The following CDKN2A variants were observed in gnomAD, a reference collection of about 807,000 sequenced individuals.
The protein encoded by CDKN2A is cyclin-dependent kinase inhibitor 2A.
CDKN2A carries 3 observed loss-of-function variants against 11.1 expected under a neutral mutation model. The observed-to-expected ratio is 0.27, with a 90% CI of 0.12 to 0.70. The LOEUF (loss-of-function observed/expected upper bound fraction) is 0.70. CDKN2A is among the 30% of genes least tolerant of loss of function. The pLI is 0.77. For missense variants in CDKN2A, 265 were observed against 233.6 expected (o/e 1.13, Z -0.88); for synonymous variants, 122 against 108.1 (o/e 1.13, Z -0.80).
At chr9:21,976,904 CAT>C (rs1242947392), upstream of CDKN2A, among the ~76,000 whole-genome samples, 1 of 152,192 alleles carries the variant, frequency 6.6e-6, no homozygotes, top group African/African-American at 2.4e-5. Flanking sequence ...TTATCAAAAA[CAT>C]GTACTACGTT....
chr9:21,982,926 A>C (rs1820227202), intron 2 of CDKN2A, among the ~76,000 whole-genome samples: 1 of 152,066 alleles, frequency 6.6e-6, no homozygotes, highest in South Asian at 2.1e-4. Context: ...TTCAAACTTA[A>C]GGTTCTCAGT....
At position 21,967,928 on chromosome 9, in the gene CDKN2A, T is replaced by C; in HGVS notation, c.*301A>G. ...GGCTCGCAAGAAATGCCCACATGAA[T>C]GTGCGCTTAGGGCGTGAGTGCTCAC... is the stretch of plus-strand genomic sequence containing the variant. On this transcript the variant is annotated 3_prime_UTR_variant, in exon 3 of 3. Coordinates refer to ENST00000304494, the MANE Select transcript of CDKN2A (RefSeq NM_000077.5). 1 of 411,676 alleles carries C rather than the reference T, an allele frequency of 2.4e-6. No individual in the cohort carries two copies. Among genetic ancestry groups the C allele is most frequent in the Non-Finnish European group, 4.3e-6 (1 of 230,032 alleles). 25.5% of individuals were successfully genotyped at this position (411,676 alleles called of 1,614,324 possible). A position where few individuals can be genotyped will look rare whatever the true frequency, so the allele number is the denominator to read the frequency against.
rs1424124214 is a variant in CDKN2A at position 21,991,973 on chromosome 9, T to C, written c.-4+1909A>G. On this transcript the variant is annotated intron_variant, in intron 2 of 3. Transcript: ENST00000494262. This position sits in a 1 kb window ranked among gnomAD's most constrained non-coding sequence, Gnocchi z 5.2. Reference sequence around the variant, plus strand: ...AACAAATGAATATTTAACTTCATAATAAAAATATGACTATTTTGTAAATGC... The same window carrying C: ...AACAAATGAATATTTAACTTCATAACAAAAATATGACTATTTTGTAAATGC... The C allele has an allele frequency of 1.3e-5, 13 of 982,360 alleles. No individual in the cohort carries two copies. The highest frequency in any genetic ancestry group is 1.6e-5 in the Non-Finnish European group (13 of 827,214). 60.9% of individuals were successfully genotyped at this position (982,360 alleles called of 1,614,324 possible). A position where few individuals can be genotyped will look rare whatever the true frequency, so the allele number is the denominator to read the frequency against.
Position 21,987,180 on chromosome 9 carries a change from G to C in CDKN2A, c.-4+6702C>G, listed in dbSNP as rs1435902987. 2.0e-5 allele frequency among the ~76,000 whole-genome samples: 3 copies of C among 151,328 alleles called. 1 individual carries two copies. The South Asian group carries it at 6.3e-4, about 32-fold the overall frequency. ...CATCTATATTTCCCCCCCCATCACT[G>C]TGCTTTTACAGAGACATAAAGACCC... On this transcript the variant is annotated intron_variant, in intron 2 of 3. Coordinates refer to the CDKN2A transcript ENST00000494262.
chr9:21,976,570 G>T (rs549994958), upstream of CDKN2A, among the ~76,000 whole-genome samples: 26 of 151,886 alleles, frequency 1.7e-4, no homozygotes, highest in Admixed American at 1.2e-3. Context: ...TACAAAATTA[G>T]CGGGGCTTGG....
chr9:21,993,120 C>T (rs563739062), intron 2 of CDKN2A, among the ~76,000 whole-genome samples: 1 of 152,322 alleles, frequency 6.6e-6, no homozygotes, highest in African/African-American at 2.4e-5. Context: ...TACCCCTCCG[C>T]TGGCCTTTGC....
chr9:21,981,001 T>TACAC lies in CDKN2A; in HGVS notation c.-3-9794_-3-9793insGTGT, dbSNP rs1554657833. Among the ~76,000 whole-genome samples the TACAC allele has an allele frequency of 1.2e-3, 5 of 4,286 alleles. 2 individuals are homozygous for TACAC. Among genetic ancestry groups the TACAC allele is most frequent in the African/African-American group, 5.2e-3 (5 of 956 alleles). The allele number at this position is 4,286 out of a possible 152,430, so 2.8% of individuals were successfully genotyped here. A position where few individuals can be genotyped will look rare whatever the true frequency, so the allele number is the denominator to read the frequency against. ...ATATATATATACACGTATATATATA[T>TACAC]ACGTGTATATATATATATACGTGTA... On this transcript the variant is annotated intron_variant, in intron 2 of 3. Transcript: ENST00000494262.
chr9:21,970,093 C>T, intron 2 of CDKN2A: 1 of 284,622 alleles, frequency 3.5e-6, no homozygotes, highest in Admixed American at 5.2e-5. Context: ...AAATGTTCCT[C>T]CCCCCAGAAA....
chr9:21,979,361 G>T (rs1196777063), upstream of CDKN2A, among the ~76,000 whole-genome samples: 1 of 152,196 alleles, frequency 6.6e-6, no homozygotes, highest in African/African-American at 2.4e-5. Context: ...ATGCCATGAA[G>T]TGAGGCAGAT....
chr9:21,970,399 AG>A, intron 2 of CDKN2A: 1 of 299,298 alleles, frequency 3.3e-6, no homozygotes, highest in Non-Finnish European at 6.3e-6. Context: ...AGATTAGCTG[AG>A]GAGGGTCAGA....
exon 2 of CDKN2A, chr9:21,993,982 CAT>C: frequency 2.5e-6 from 2 of 790,902 alleles, no homozygotes; most frequent in Non-Finnish European, 4.2e-6. Flanking sequence ...GCGAGAACCA[CAT>C]GTCTAAGTCG....
In CDKN2A at chr9:21,968,882, T is replaced by C. The variant is rs1819546664; in HGVS notation, c.458-640A>G. On this transcript the variant is annotated intron_variant, in intron 2 of 2. Transcript: ENST00000304494. The surrounding 1 kb of genome is among the most constrained non-coding windows in gnomAD (Gnocchi z 4.7). Reference sequence around the variant, plus strand: ...CGTTCGGTTCTCCCGAGGCAGCATTTACACTTGAGAGTCTCAAGATTATTT... The same window carrying C: ...CGTTCGGTTCTCCCGAGGCAGCATTCACACTTGAGAGTCTCAAGATTATTT... 2 of 1,033,060 alleles carry C rather than the reference T, an allele frequency of 1.9e-6. No homozygotes were observed. The highest frequency in any genetic ancestry group is 2.9e-6 in the Non-Finnish European group (2 of 689,378). The allele number at this position is 1,033,060 out of a possible 1,614,324, so 64.0% of individuals were successfully genotyped here.
intron 1 of CDKN2A, among the ~76,000 whole-genome samples, chr9:21,973,258 T>G (rs890140398): frequency 6.6e-6 from 1 of 152,180 alleles, no homozygotes; most frequent in African/African-American, 2.4e-5. Flanking sequence ...TGAATTAAAA[T>G]GTGTAGGATG....
upstream of CDKN2A, among the ~76,000 whole-genome samples, chr9:21,976,586 C>T (rs1049974483): frequency 6.6e-6 from 1 of 151,510 alleles, no homozygotes; most frequent in African/African-American, 2.4e-5. Context: ...CTTGGTGGCG[C>T]ATGCCTGTAA....
upstream of CDKN2A, chr9:21,975,073 C>T: frequency 2.3e-6 from 3 of 1,325,578 alleles, no homozygotes; most frequent in Non-Finnish European, 2.9e-6. Context: ...GCGAATGTGG[C>T]ACCCCTGAAG....
rs1819498007 is a variant in CDKN2A, at chr9:21,968,147, C to CG, written c.*81dup. 1 of 1,144,294 alleles carries CG rather than the reference C, an allele frequency of 8.7e-7. No individual in the cohort carries two copies. Among genetic ancestry groups the CG allele is most frequent in the South Asian group, 1.4e-5 (1 of 70,942 alleles). The allele number at this position is 1,144,294 out of a possible 1,614,324, so 70.9% of individuals were successfully genotyped here. ...ACTACGAAAGCGGGGTGGGTTGTGG[C>CG]GGGGGCAGTTGTGGCCCTGTAGGAC... On this transcript the variant is annotated 3_prime_UTR_variant, in exon 3 of 3. Transcript: ENST00000304494. The surrounding 1 kb of genome is among the most constrained non-coding windows in gnomAD (Gnocchi z 4.7).
At chr9:21,985,114 A>G (rs1457686372) in intron 2 of CDKN2A, among the ~76,000 whole-genome samples, 1 of 151,846 alleles carries the variant, frequency 6.6e-6, no homozygotes, top group Non-Finnish European at 1.5e-5. Context: ...ATTTCCACTC[A>G]TGTTTTCCTT....
rs947505523 is a variant in CDKN2A at position 21,968,851 on chromosome 9, G to A, written c.458-609C>T. ...CTAATCTCGTTGCGTATGGGCTCCA[G>A]CTCGCCGTTCGGTTCTCCCGAGGCA... On this transcript the variant is annotated intron_variant, in intron 2 of 2. Transcript: ENST00000304494. The surrounding 1 kb of genome is among the most constrained non-coding windows in gnomAD (Gnocchi z 4.7). 1 of 1,417,980 alleles carries A rather than the reference G, an allele frequency of 7.1e-7. No homozygotes were observed. The highest frequency in any genetic ancestry group is 1.2e-5 in the South Asian group (1 of 81,604). 87.8% of individuals were successfully genotyped at this position (1,417,980 alleles called of 1,614,324 possible).
At chr9:21,971,521 T>C (rs573333004) in intron 1 of CDKN2A, 2 of 438,108 alleles carry the variant, frequency 4.6e-6, no homozygotes, top group African/African-American at 2.2e-5. Flanking sequence ...TTCCTGTATT[T>C]CCCCTGAGAT....
Sources: allele counts gnomAD v4.1 joint callset (sites outside exome capture counted in the v4.1 genomes callset), GRCh38; gene constraint gnomAD v4.1.1; non-coding constraint Gnocchi (gnomAD v3.1); transcripts MANE v1.5; gene names NCBI Gene and HGNC (gene_info 2026-07-23, HGNC 2026-07-21).